The following MYO10 variants were observed in gnomAD, a reference collection of about 807,000 sequenced individuals.
MYO10 encodes myosin X.
Under a neutral mutation model 257.3 loss-of-function variants are expected in MYO10, and 133 were observed. That is an observed-to-expected ratio of 0.52 (90% CI 0.45 to 0.60). The LOEUF (loss-of-function observed/expected upper bound fraction) is 0.60. MYO10 is among the 20% of genes least tolerant of loss of function. The pLI is 0.00. For synonymous variants in MYO10, 1,104 were observed against 1,028.6 expected (o/e 1.07, Z -1.40); for missense variants, 2,399 against 2,635.7 (o/e 0.91, Z 1.97).
At chr5:16,902,248 T>C in intron 1 of MYO10, 2 of 748,464 alleles carry the variant, frequency 2.7e-6, no homozygotes, top group South Asian at 2.9e-5. Flanking sequence ...CCATTTTATT[T>C]TTCTCCAGAG....
rs70940395 is a variant in MYO10, at chr5:16,663,328, GTTTTTTTTTTT to G, written c.*3353_*3363del. 5.3e-3 allele frequency: 407 copies of G among 76,848 alleles called. 5 individuals are homozygous for G. The highest frequency in any genetic ancestry group is 5.8e-3 in the Non-Finnish European group (251 of 43,454). 4.8% of individuals were successfully genotyped at this position (76,848 alleles called of 1,614,324 possible). A position where few individuals can be genotyped will look rare whatever the true frequency, so the allele number is the denominator to read the frequency against. ...AAAAAGTAACATTTTACTTCTAGTT[GTTTTTTTTTTT>G]TTTTTTTTTTTTTTTTTTTTTTTTT... is the stretch of plus-strand genomic sequence containing the variant. On this transcript the variant is annotated 3_prime_UTR_variant, in exon 41 of 41. Coordinates refer to ENST00000513610, the MANE Select transcript of MYO10 (RefSeq NM_012334.3).
rs374195788 is a variant in MYO10, at chr5:16,900,744, G to GT, written c.22-23038dup. Among the ~76,000 whole-genome samples, 343 of 132,660 alleles carry GT rather than the reference G, an allele frequency of 2.6e-3. 5 individuals are homozygous for GT. The highest frequency in any genetic ancestry group is 5.3e-3 in the African/African-American group (185 of 34,850). 87.0% of individuals were successfully genotyped at this position (132,660 alleles called of 152,430 possible). On this transcript the variant is annotated intron_variant, in intron 1 of 40. Coordinates refer to ENST00000513610, the MANE Select transcript of MYO10 (RefSeq NM_012334.3). ...AAAAGTACACACCTCCCTAAATCTTGTTTTTTTTTTTTTGAGACAGAGTCT... is the reference window on the plus strand; with the variant it reads ...AAAAGTACACACCTCCCTAAATCTTGTTTTTTTTTTTTTTGAGACAGAGTCT...
At chr5:16,794,315 C>T (rs935650776) in intron 4 of MYO10, among the ~76,000 whole-genome samples, 1 of 144,196 alleles carries the variant, frequency 6.9e-6, no homozygotes, top group Admixed American at 7.1e-5. Flanking sequence ...TTTCCTTAAA[C>T]AGATAGAAGG....
chr5:16,685,853 T>C, intron 28 of MYO10, 22 bp from the exon 29 acceptor site: 2 of 1,571,110 alleles, frequency 1.3e-6, no homozygotes, highest in Non-Finnish European at 8.6e-7. Context: ...AGAGAGCAAC[T>C]GTCAAGGAGA....
intron 9 of MYO10, among the ~76,000 whole-genome samples, chr5:16,776,244 T>C (rs1278540780): frequency 6.6e-6 from 1 of 152,166 alleles, no homozygotes; most frequent in African/African-American, 2.4e-5. Flanking sequence ...GAAAATCTTA[T>C]TGTATATAGA....
rs61326508 is a variant in MYO10, at chr5:16,777,839, C to CTTTTTTTTT, written c.930+1697_930+1705dup. ...GCCACCCTAGGTGCATTGCATCTAA[C>CTTTTTTTTT]TTTTTTTTTTTTTTTTTTTTTTTTT... On this transcript the variant is annotated intron_variant, in intron 9 of 40. Transcript: ENST00000513610. Among the ~76,000 whole-genome samples the CTTTTTTTTT allele has an allele frequency of 2.6e-4, 23 of 88,476 alleles. 1 individual carries two copies. The highest frequency in any genetic ancestry group is 1.3e-3 in the East Asian group (3 of 2,338). The allele number at this position is 88,476 out of a possible 152,430, so 58.0% of individuals were successfully genotyped here.
intron 2 of MYO10, among the ~76,000 whole-genome samples, chr5:16,837,865 G>T (rs1188341707): frequency 1.3e-5 from 2 of 152,058 alleles, no homozygotes; most frequent in Non-Finnish European, 2.9e-5. Context: ...AACAGCAGGT[G>T]CTCACTTCAC....
chr5:16,933,379 T>C (rs775771848), intron 1 of MYO10, among the ~76,000 whole-genome samples: 5 of 152,192 alleles, frequency 3.3e-5, no homozygotes, highest in Admixed American at 6.5e-5. Context: ...CAGTTGCGAA[T>C]CACAAGCAGC....
Position 16,933,883 on chromosome 5 carries a change from A to G in MYO10, c.21+1905T>C, listed in dbSNP as rs187232156. On this transcript the variant is annotated intron_variant, in intron 1 of 40. Transcript: ENST00000513610. The stretch of plus-strand genomic sequence containing the variant: ...ACACATACATCACAAGATTAAAAGT[A>G]TAACCTTAAAATAAGCGAAAAGTTC... Among the ~76,000 whole-genome samples, 43 of 152,372 alleles carry G rather than the reference A, an allele frequency of 2.8e-4. 1 individual carries two copies. The highest frequency in any genetic ancestry group is 1.0e-3 in the African/African-American group (43 of 41,586).
At chr5:16,830,462 G>A (rs1300140769) in intron 2 of MYO10, among the ~76,000 whole-genome samples, 1 of 151,278 alleles carries the variant, frequency 6.6e-6, no homozygotes, top group Non-Finnish European at 1.5e-5. Flanking sequence ...ACGCTTTCTT[G>A]TTGCTTATAC....
intron 19 of MYO10, among the ~76,000 whole-genome samples, chr5:16,742,507 AG>A (rs1238632074): frequency 1.3e-5 from 2 of 152,284 alleles, no homozygotes; most frequent in East Asian, 3.9e-4. Context: ...TCAAAACAAC[AG>A]GGGACATGAG....
intron 1 of MYO10, among the ~76,000 whole-genome samples, chr5:16,908,220 G>A (rs1053396616): frequency 6.6e-6 from 1 of 150,920 alleles, no homozygotes; most frequent in Non-Finnish European, 1.5e-5. Flanking sequence ...GGGTGACAGA[G>A]TGAGACTCTT....
intron 4 of MYO10, among the ~76,000 whole-genome samples, chr5:16,786,881 AT>A (rs11304663): frequency 0.74 from 111,646 of 150,904 alleles, 41,870 homozygotes; most frequent in Non-Finnish European, 0.82. Flanking sequence ...AAAAAAAAAA[AT>A]TTTTGGCCGG....
chr5:16,780,645 T>C, intron 7 of MYO10, 37 bp from the exon 8 acceptor site: 2 of 1,550,300 alleles, frequency 1.3e-6, no homozygotes, highest in Non-Finnish European at 1.8e-6. Flanking sequence ...CAGAGATGTG[T>C]CCTGTGCTTA....
chr5:16,850,016 C>T (rs9312938), intron 2 of MYO10, among the ~76,000 whole-genome samples: 65,595 of 152,086 alleles, frequency 0.43, 16,441 homozygotes, highest in African/African-American at 0.7. Flanking sequence ...TCTAAACTAT[C>T]TATTCAGCAA....
rs532620613 is a variant in MYO10 at position 16,677,197 on chromosome 5, G to C, written c.4543-1043C>G. On this transcript the variant is annotated intron_variant, in intron 33 of 40. Coordinates refer to ENST00000513610, the MANE Select transcript of MYO10 (RefSeq NM_012334.3). ...GAGAGGTAATGAATCATTCTATCGTGGTAATTTCATTTCCACTATAAAACT... is the reference window on the plus strand; with the variant it reads ...GAGAGGTAATGAATCATTCTATCGTCGTAATTTCATTTCCACTATAAAACT... Among the ~76,000 whole-genome samples the C allele has an allele frequency of 2.0e-5, 3 of 151,984 alleles. No homozygotes were observed. In the East Asian group the frequency reaches 5.8e-4, roughly 29 times the overall value.
At chr5:16,678,854 C>CT (rs1278001182) in intron 33 of MYO10, among the ~76,000 whole-genome samples, 1 of 152,182 alleles carries the variant, frequency 6.6e-6, no homozygotes, top group Non-Finnish European at 1.5e-5. Flanking sequence ...GTCCCTTGCC[C>CT]TGGGAATCTG....
Position 16,935,787 on chromosome 5 carries a change from C to A in MYO10, c.21+1G>T, listed in dbSNP as rs1333089367. ...CCAGGTCGGACTGGGAGCGCACTTA[C>A]CTCGGTGAAGAAGTTATCCATTGTT... On this transcript the variant is annotated splice_donor_variant, in intron 1 of 40. Transcript: ENST00000513610. LOFTEE classifies it high-confidence loss of function. The A allele has an allele frequency of 6.2e-7, 1 of 1,613,440 alleles. No individual in the cohort carries two copies. The highest frequency in any genetic ancestry group is 1.7e-5 in the Admixed American group (1 of 60,012).
chr5:16,914,367 A>G (rs186345473), intron 1 of MYO10, among the ~76,000 whole-genome samples: 6 of 152,248 alleles, frequency 3.9e-5, no homozygotes, highest in African/African-American at 1.4e-4. Flanking sequence ...GGAATACACT[A>G]AGAAGCCTGC....
Sources: gnomAD v4.1 joint callset for allele counts (sites outside exome capture counted in the v4.1 genomes callset) on GRCh38, gnomAD v4.1.1 for gene constraint, MANE v1.5 for transcripts, NCBI Gene and HGNC (gene_info 2026-07-23, HGNC 2026-07-21) for gene names.